The following TBRG4 variants were observed in gnomAD, a reference collection of about 807,000 sequenced individuals.
TBRG4 encodes FAST kinase domain-containing protein 4.
Under a neutral mutation model 65.6 loss-of-function variants are expected in TBRG4, and 43 were observed. That is an observed-to-expected ratio of 0.66 (90% CI 0.51 to 0.85). The LOEUF is 0.85. Ranked by LOEUF, TBRG4 falls within the 40% of genes least tolerant of loss-of-function variation. The pLI, the probability that TBRG4 is intolerant of heterozygous loss-of-function variation, is 0.00. For synonymous variants in TBRG4, 366 were observed against 341.4 expected (o/e 1.07, Z -0.79); for missense variants, 709 against 787.9 (o/e 0.90, Z 1.20).
chr7:45,107,414 C>T (rs1294725112), intron 2 of TBRG4: 1 of 152,224 alleles, frequency 6.6e-6, no homozygotes, highest in African/African-American at 2.4e-5. Context: ...ATGGGTGGCT[C>T]TAGAGCCCTT....
At chr7:45,107,769 A>C (rs570018651) in intron 2 of TBRG4, 1 of 154,380 alleles carries the variant, frequency 6.5e-6, no homozygotes, top group African/African-American at 2.4e-5. Context: ...GTCTTGCATC[A>C]TAAGACTTTC....
At position 45,108,741 on chromosome 7, in the gene TBRG4, C is replaced by T; in HGVS notation, c.411+86G>A. The T allele has an allele frequency of 2.6e-6, 3 of 1,163,358 alleles. No homozygotes were observed. The South Asian group carries it at 6.1e-5, about 24-fold the overall frequency. 72.1% of individuals were successfully genotyped at this position (1,163,358 alleles called of 1,614,324 possible). A position where few individuals can be genotyped will look rare whatever the true frequency, so the allele number is the denominator to read the frequency against. ...AAGAGATGCAAGGCCCCTGTCTATG[C>T]TTGGTAAGCACTGGCTGCTGTGGAC... is the stretch of plus-strand genomic sequence containing the variant. On this transcript the variant is annotated intron_variant, in intron 2 of 10. Coordinates refer to ENST00000258770, the MANE Select transcript of TBRG4 (RefSeq NM_004749.4).
At position 45,104,728 on chromosome 7, in the gene TBRG4, C is replaced by G; in HGVS notation, c.736-19G>C. ...CCAGGCACTGTCAACCACAGCCGCG[C>G]AGAGGTCAGCTCAATGGCCTGGGGT... On this transcript the variant is annotated intron_variant, in intron 3 of 10. Coordinates refer to ENST00000258770, the MANE Select transcript of TBRG4 (RefSeq NM_004749.4). 6.2e-7 allele frequency: 1 copy of G among 1,611,444 alleles called. No individual in the cohort carries two copies. The highest frequency in any genetic ancestry group is 8.5e-7 in the Non-Finnish European group (1 of 1,178,684).
chr7:45,109,829 T>C (rs1006041343), intron 1 of TBRG4, among the ~76,000 whole-genome samples: 3 of 151,946 alleles, frequency 2.0e-5, no homozygotes, highest in Non-Finnish European at 4.4e-5. Flanking sequence ...ATATAAAAAT[T>C]AGCTGGGCAT....
In TBRG4 at chr7:45,102,390, C is replaced by T; in HGVS notation, c.1278G>A (p.Glu426=). Residue 426 remains glutamate, a synonymous_variant, in exon 7 of 11, where the codon GAG becomes GAA. Coordinates refer to ENST00000258770, the MANE Select transcript of TBRG4 (RefSeq NM_004749.4). ...ATTCAGGGTGGAGGACGGCTTGCAG[C>T]TCTGCTTCCCGTGCCTGCTGCAGCA... is the stretch of plus-strand genomic sequence containing the variant. ...LCVLQQAREA[E]LQAVLHPEFH... 1 of 1,614,130 alleles carries T rather than the reference C, an allele frequency of 6.2e-7. No individual in the cohort carries two copies. The highest frequency in any genetic ancestry group is 8.5e-7 in the Non-Finnish European group (1 of 1,180,044).
intron 2 of TBRG4, among the ~76,000 whole-genome samples, chr7:45,108,115 A>G (rs1785015272): frequency 6.6e-6 from 1 of 152,228 alleles, no homozygotes; most frequent in African/African-American, 2.4e-5. Flanking sequence ...CCTTCCTTGG[A>G]TAGTGCCTTT....
At chr7:45,107,656 C>G (rs1785002217) in intron 2 of TBRG4, 1 of 154,538 alleles carries the variant, frequency 6.5e-6, no homozygotes, top group Admixed American at 6.5e-5. Context: ...TACAGAAGAT[C>G]TGGGTGTCTA....
chr7:45,106,606 T>C (rs554381963), intron 2 of TBRG4: 2 of 152,710 alleles, frequency 1.3e-5, no homozygotes, highest in African/African-American at 2.4e-5. Flanking sequence ...TGAAACCCTG[T>C]GCCTATTAAA....
chr7:45,104,699 A>G lies in TBRG4; in HGVS notation c.746T>C (p.Leu249Ser). The G allele has an allele frequency of 6.2e-7, 1 of 1,613,712 alleles. No individual in the cohort carries two copies. The highest frequency in any genetic ancestry group is 8.5e-7 in the Non-Finnish European group (1 of 1,179,932). ...MNRLEDKCLE[L>S]VEHFGPNELR... ...CTCATTGGGGCCAAAGTGCTCCACC[A>G]ACTCCAGGCACTGTCAACCACAGCC... is the stretch of plus-strand genomic sequence containing the variant. The change falls in exon 4 of 11, where the codon TTG (leucine) becomes TCG (serine). Residue 249 changes from leucine to serine, a missense_variant. By Grantham distance (145) the Leu-to-Ser change is moderately radical. Transcript: ENST00000258770.
chr7:45,101,152 G>C (rs2128643940), intron 10 of TBRG4, 106 bp downstream of exon 10: 3 of 1,093,364 alleles, frequency 2.7e-6, no homozygotes, highest in South Asian at 1.7e-5. Context: ...GGGGCCACGG[G>C]CAGGGCATGT....
chr7:45,101,928 C>T lies in TBRG4; in HGVS notation c.1464G>A (p.Lys488=), dbSNP rs1408640759. ...VAPGPSALDR[K]VTPLQKELQE... is the part of the protein sequence containing the mutation. ...GCAGCTCCTTTTGCAGGGGGGTCACCTTCCTGTCAAGGGCTGAGGGCCCAG... is the reference window on the plus strand; with the variant it reads ...GCAGCTCCTTTTGCAGGGGGGTCACTTTCCTGTCAAGGGCTGAGGGCCCAG... Residue 488 remains lysine, a synonymous_variant, in exon 8 of 11, where the codon AAG becomes AAA. Coordinates refer to ENST00000258770, the MANE Select transcript of TBRG4 (RefSeq NM_004749.4). 1.9e-6 allele frequency: 3 copies of T among 1,610,486 alleles called. No individual in the cohort carries two copies. The highest frequency in any genetic ancestry group is 2.5e-6 in the Non-Finnish European group (3 of 1,178,848).
At chr7:45,103,480 CT>C in intron 5 of TBRG4, 37 bp from the exon 6 acceptor site, 1 of 1,511,528 alleles carries the variant, frequency 6.6e-7, no homozygotes, top group African/African-American at 1.8e-5. Context: ...ACAGAATAAG[CT>C]CTCTGCCCAG....
intron 9 of TBRG4, 28 bp from the exon 10 acceptor site, chr7:45,101,400 G>A (rs772247138): frequency 1.2e-6 from 2 of 1,610,906 alleles, no homozygotes; most frequent in Non-Finnish European, 1.7e-6. Context: ...TGGCTGACAT[G>A]CTTCCACTCT....
chr7:45,102,235 CGAGGGGGAGG>C, intron 7 of TBRG4, 102 bp downstream of exon 7: 1 of 1,554,598 alleles, frequency 6.4e-7, no homozygotes, highest in South Asian at 1.2e-5. Flanking sequence ...GGATGGAGAG[CGAGGGGGAGG>C]GAGAGCCCTG....
chr7:45,102,909 C>T (rs1784812967), intron 6 of TBRG4: 1 of 310,852 alleles, frequency 3.2e-6, no homozygotes, highest in South Asian at 4.0e-5. Context: ...GCTAATTGTT[C>T]TCAGGACTGT....
intron 10 of TBRG4, 37 bp from the exon 11 acceptor site, chr7:45,100,463 G>A (rs1784731843): frequency 6.5e-7 from 1 of 1,548,282 alleles, no homozygotes; most frequent in African/African-American, 1.4e-5. Flanking sequence ...ACATGGGCAA[G>A]GAGATCCCTT....
At position 45,105,558 on chromosome 7, in the gene TBRG4, C is replaced by T; in HGVS notation, c.618G>A (p.Glu206=). 1.2e-6 allele frequency: 2 copies of T among 1,614,172 alleles called. No individual in the cohort carries two copies. The highest frequency in any genetic ancestry group is 2.2e-5 in the South Asian group (2 of 91,082). The part of the protein sequence containing the change: ...QEQHSQELLA[E]LLTHLERRWT... The stretch of plus-strand genomic sequence containing the variant: ...AACGCCTTTCCAGGTGTGTGAGCAG[C>T]TCAGCCAGCAGCTCCTGCGAGTGCT... Residue 206 remains glutamate, a synonymous_variant, in exon 3 of 11, where the codon GAG becomes GAA. Transcript: ENST00000258770.
At chr7:45,105,046 C>A (rs1331446496) in intron 3 of TBRG4, 1 of 708,096 alleles carries the variant, frequency 1.4e-6, no homozygotes, top group Non-Finnish European at 2.6e-6. Context: ...GACTGCAGGG[C>A]TACAGCCGAT....
chr7:45,102,155 C>A, intron 7 of TBRG4, 85 bp from the exon 8 acceptor site: 1 of 1,532,772 alleles, frequency 6.5e-7, no homozygotes. Context: ...CACCCCTACA[C>A]CCAGTCCCAG....
Sources: allele counts gnomAD v4.1 joint callset (sites outside exome capture counted in the v4.1 genomes callset), GRCh38; gene constraint gnomAD v4.1.1; transcripts MANE v1.5; gene names NCBI Gene and HGNC (gene_info 2026-07-23, HGNC 2026-07-21).